Variants in PDE7A observed in about 807,000 individuals in gnomAD.
PDE7A encodes phosphodiesterase 7A, also known as high affinity 3',5'-cyclic-AMP phosphodiesterase 7A.
A neutral mutation model predicts 64.3 loss-of-function variants in PDE7A; 39 were observed. That is an observed-to-expected ratio of 0.61 (90% confidence interval 0.47 to 0.79). The LOEUF is 0.79. Ranked by LOEUF, PDE7A falls within the 30% of genes least tolerant of loss-of-function variation. PDE7A has a pLI of 0.00. For missense variants in PDE7A, 470 were observed against 582.8 expected, an observed-to-expected ratio of 0.81 and a Z score of 1.99; for synonymous variants, 203 against 206.8, an observed-to-expected ratio of 0.98 and a Z score of 0.16.
At chr8:65,736,078 C>T (rs1024477547) in intron 6 of PDE7A, among the ~76,000 whole-genome samples, 2 of 152,142 alleles carry the variant, frequency 1.3e-5, no homozygotes, top group East Asian at 1.9e-4. Flanking sequence ...TACGATAATG[C>T]GCAATTTATA....
chr8:65,811,100 A>C (rs1810250224), intron 1 of PDE7A, among the ~76,000 whole-genome samples: 1 of 152,236 alleles, frequency 6.6e-6, no homozygotes, highest in Non-Finnish European at 1.5e-5. Context: ...GAATAGGAAC[A>C]TTCAGTGCTA....
At chr8:65,762,702 AAT>A (rs1239677329) in intron 3 of PDE7A, among the ~76,000 whole-genome samples, 30 of 152,214 alleles carry the variant, frequency 2.0e-4, no homozygotes, top group Admixed American at 1.4e-3. Flanking sequence ...AATATTTTTA[AAT>A]ATGTCATACC....
At chr8:65,820,793 T>G (rs1172378967) in intron 1 of PDE7A, among the ~76,000 whole-genome samples, 1 of 152,174 alleles carries the variant, frequency 6.6e-6, no homozygotes, top group Non-Finnish European at 1.5e-5. Context: ...TTTCACCACG[T>G]TGGCCAGGCT....
At chr8:65,822,284 C>T (rs2128932466) in intron 1 of PDE7A, among the ~76,000 whole-genome samples, 1 of 152,252 alleles carries the variant, frequency 6.6e-6, no homozygotes, top group Middle Eastern at 3.4e-3. Context: ...AGAAGTGCTC[C>T]AGAAATCCTC....
At chr8:65,746,609 A>G (rs1807688069) in intron 4 of PDE7A, among the ~76,000 whole-genome samples, 1 of 152,162 alleles carries the variant, frequency 6.6e-6, no homozygotes, top group Non-Finnish European at 1.5e-5. Flanking sequence ...AAAAAAACTT[A>G]TATTTTATAT....
At chr8:65,812,351 G>C (rs544552900) in intron 1 of PDE7A, among the ~76,000 whole-genome samples, 1 of 152,190 alleles carries the variant, frequency 6.6e-6, no homozygotes, top group East Asian at 1.9e-4. Context: ...CTAGTAAATA[G>C]AGGAGGAAAG....
intron 7 of PDE7A, among the ~76,000 whole-genome samples, chr8:65,730,167 A>ACTT (rs201329414): frequency 0.029 from 839 of 29,162 alleles, 96 homozygotes; most frequent in East Asian, 0.11. Context: ...CAGGTTGCGC[A>ACTT]CTTCTTTTTT....
At chr8:65,759,220 G>A (rs1238090868) in intron 3 of PDE7A, among the ~76,000 whole-genome samples, 1 of 152,224 alleles carries the variant, frequency 6.6e-6, no homozygotes, top group African/African-American at 2.4e-5. Context: ...CAGTCAGCCA[G>A]TGATGTGGCA....
intron 1 of PDE7A, among the ~76,000 whole-genome samples, chr8:65,836,632 A>G (rs1810958407): frequency 6.6e-6 from 1 of 152,218 alleles, no homozygotes; most frequent in African/African-American, 2.4e-5. Context: ...AAAATGTTCA[A>G]CATTCAGAGA....
chr8:65,807,260 A>G (rs1295631160), intron 1 of PDE7A, among the ~76,000 whole-genome samples: 1 of 152,156 alleles, frequency 6.6e-6, no homozygotes, highest in African/African-American at 2.4e-5. Flanking sequence ...CCTTTGTTAA[A>G]TTTATTCCTA....
Position 65,724,907 on chromosome 8 carries a change from G to A in PDE7A, c.935C>T (p.Thr312Ile), listed in dbSNP as rs1230288722. 11 of 1,595,458 alleles carry A rather than the reference G, an allele frequency of 6.9e-6. No homozygotes were observed. The highest frequency in any genetic ancestry group is 9.4e-6 in the Non-Finnish European group (11 of 1,169,858). The change falls in exon 10 of 13, where the codon ACA becomes ATA. Residue 312 changes from threonine (T) to isoleucine (I), a missense_variant. Physicochemically the swap from Thr to Ile is moderately conservative, Grantham distance 89. Coordinates refer to ENST00000401827, the MANE Select transcript of PDE7A (RefSeq NM_001242318.3). Reference protein sequence around the residue: ...LPLESRQQMETQIGALILATD... With the variant: ...LPLESRQQMEIQIGALILATD... ...GGCTAGTATCAGAGCACCTATCTGT[G>A]TCTCCATTTGTTGCCTGGAAATAGA...
chr8:65,779,623 G>GT (rs539563808), intron 3 of PDE7A, 97 bp downstream of exon 3: 71 of 654,216 alleles, frequency 1.1e-4, no homozygotes, highest in South Asian at 1.9e-4. Flanking sequence ...ACATAATAGA[G>GT]TTTTTTTTCT....
At chr8:65,763,006 TG>T (rs1808587574) in intron 3 of PDE7A, among the ~76,000 whole-genome samples, 1 of 131,988 alleles carries the variant, frequency 7.6e-6, no homozygotes, top group Non-Finnish European at 1.8e-5. Flanking sequence ...TGTGTGTGTG[TG>T]TGTGTGTGTG....
At chr8:65,727,102 T>C in intron 8 of PDE7A, 68 bp downstream of exon 8, 13 of 1,105,864 alleles carry the variant, frequency 1.2e-5, no homozygotes, top group Non-Finnish European at 1.6e-5. Context: ...TTACTTTCAT[T>C]TCTTCAAAAT....
intron 5 of PDE7A, among the ~76,000 whole-genome samples, chr8:65,741,398 CTGTT>C (rs1321467391): frequency 6.6e-6 from 1 of 152,140 alleles, no homozygotes; most frequent in East Asian, 1.9e-4. Flanking sequence ...TAATAAAGGA[CTGTT>C]TGGTTAACCT....
intron 1 of PDE7A, among the ~76,000 whole-genome samples, chr8:65,817,586 C>T (rs1175927988): frequency 2.0e-5 from 3 of 152,116 alleles, no homozygotes; most frequent in African/African-American, 7.2e-5. Context: ...CCTTGTGTTC[C>T]ATGACCTTGA....
chr8:65,772,184 A>G (rs1809117173), intron 3 of PDE7A, among the ~76,000 whole-genome samples: 1 of 152,246 alleles, frequency 6.6e-6, no homozygotes, highest in South Asian at 2.1e-4. Context: ...AGGTGCAGAA[A>G]ATAAGTGGGT....
At chr8:65,785,237 A>G (rs1402140412) in intron 1 of PDE7A, among the ~76,000 whole-genome samples, 3 of 152,208 alleles carry the variant, frequency 2.0e-5, no homozygotes, top group African/African-American at 4.8e-5. Context: ...GTCTCCAAGG[A>G]GGCTGAGGGA....
At chr8:65,768,381 T>C (rs1808906839) in intron 3 of PDE7A, among the ~76,000 whole-genome samples, 1 of 152,110 alleles carries the variant, frequency 6.6e-6, no homozygotes, top group African/African-American at 2.4e-5. Flanking sequence ...AGTTGAATCA[T>C]GGGGGTGCTA....
Sources: allele counts gnomAD v4.1 joint callset (sites outside exome capture counted in the v4.1 genomes callset), GRCh38; gene constraint gnomAD v4.1.1; transcripts MANE v1.5; gene names NCBI Gene and HGNC (gene_info 2026-07-23, HGNC 2026-07-21).